ERBB4: variants seen among roughly 807,000 people sequenced by gnomAD.
ERBB4 encodes erb-b2 receptor tyrosine kinase 4.
In ERBB4, 42 loss-of-function variants were observed where a neutral mutation model predicts 158.0. That is an observed-to-expected ratio of 0.27 (90% CI 0.21 to 0.34). The LOEUF (loss-of-function observed/expected upper bound fraction) is 0.34, where lower values mean the gene tolerates loss of function less well. ERBB4 is among the 10% of genes least tolerant of loss of function. The pLI is 1.00. For synonymous variants in ERBB4, 583 were observed against 558.7 expected (o/e 1.04, Z -0.61); for missense variants, 1,333 against 1,624.1 (o/e 0.82, Z 3.08).
intron 2 of ERBB4, among the ~76,000 whole-genome samples, chr2:212,027,408 C>A (rs1032534774): frequency 2.0e-5 from 3 of 151,842 alleles, no homozygotes; most frequent in African/African-American, 7.3e-5. Flanking sequence ...AGAGTTTAGA[C>A]CCTTAGCTTA....
At chr2:211,523,338 G>A (rs1574665435) in intron 20 of ERBB4, among the ~76,000 whole-genome samples, 2 of 150,260 alleles carry the variant, frequency 1.3e-5, no homozygotes, top group East Asian at 4.0e-4. Context: ...GCTTGGGAAA[G>A]GGAGAGTGCA....
chr2:211,631,404 T>C (rs925668320), intron 16 of ERBB4, among the ~76,000 whole-genome samples: 1 of 152,092 alleles, frequency 6.6e-6, no homozygotes, highest in Non-Finnish European at 1.5e-5. Flanking sequence ...TTCAGAATAA[T>C]GACAAGAGTA....
chr2:211,791,530 A>C (rs2076279451), intron 3 of ERBB4, among the ~76,000 whole-genome samples: 1 of 151,882 alleles, frequency 6.6e-6, no homozygotes, highest in Admixed American at 6.6e-5. Context: ...AAAAATGTTG[A>C]ATGCGTGAAT....
chr2:212,321,445 C>T (rs924317081), intron 1 of ERBB4, among the ~76,000 whole-genome samples: 8 of 150,436 alleles, frequency 5.3e-5, no homozygotes, highest in East Asian at 2.0e-4. Flanking sequence ...GGGCATAGTG[C>T]GTCATGCCTA....
rs77426128 is a variant in ERBB4, at chr2:211,420,987, T to G, written c.2965-376A>C. Among the ~76,000 whole-genome samples, 1,075 of 152,060 alleles carry G rather than the reference T, an allele frequency of 7.1e-3. 8 individuals carry two copies. The highest frequency in any genetic ancestry group is 0.025 in the African/African-American group (1,019 of 41,524). ...TAAAAGGTGATCAATTTATCAACGTTTATTTGGTTGGTTTGATGCTGTAGG... is the reference window on the plus strand; with the variant it reads ...TAAAAGGTGATCAATTTATCAACGTGTATTTGGTTGGTTTGATGCTGTAGG... On this transcript the variant is annotated intron_variant, in intron 24 of 27. Coordinates refer to ENST00000342788, the MANE Select transcript of ERBB4 (RefSeq NM_005235.3).
intron 2 of ERBB4, among the ~76,000 whole-genome samples, chr2:212,082,281 T>C (rs2078469107): frequency 6.6e-6 from 1 of 152,112 alleles, no homozygotes; most frequent in Admixed American, 6.6e-5. Context: ...GTCACATATG[T>C]ATAAACACTT....
At chr2:211,806,008 C>A (rs1197835239) in intron 3 of ERBB4, among the ~76,000 whole-genome samples, 3 of 151,636 alleles carry the variant, frequency 2.0e-5, no homozygotes, top group Admixed American at 2.0e-4. Flanking sequence ...TCAAGCATTA[C>A]AAGTTATAGA....
At chr2:211,470,406 C>A (rs1195012506) in intron 20 of ERBB4, among the ~76,000 whole-genome samples, 2 of 152,172 alleles carry the variant, frequency 1.3e-5, no homozygotes, top group East Asian at 3.9e-4. Flanking sequence ...GAACATATTA[C>A]AGAACAGTTG....
At chr2:211,564,194 A>T (rs911107343) in intron 19 of ERBB4, among the ~76,000 whole-genome samples, 1 of 152,168 alleles carries the variant, frequency 6.6e-6, no homozygotes, top group Non-Finnish European at 1.5e-5. Flanking sequence ...AAGCAATCTG[A>T]AGCCTAATTT....
At chr2:211,804,157 T>A (rs564754119) in intron 3 of ERBB4, among the ~76,000 whole-genome samples, 4 of 152,112 alleles carry the variant, frequency 2.6e-5, no homozygotes, top group Non-Finnish European at 4.4e-5. Flanking sequence ...GAAGATAAAA[T>A]CAAATAACTG....
chr2:211,645,411 G>C (rs946208363), intron 16 of ERBB4, among the ~76,000 whole-genome samples: 1 of 151,546 alleles, frequency 6.6e-6, no homozygotes, highest in Admixed American at 6.6e-5. Flanking sequence ...AAGCCATCCT[G>C]TGAATTGTTT....
intron 3 of ERBB4, among the ~76,000 whole-genome samples, chr2:211,875,523 C>T (rs1413165379): frequency 1.3e-5 from 2 of 152,164 alleles, no homozygotes; most frequent in Non-Finnish European, 1.5e-5. Context: ...ACAGACTGCA[C>T]ATATGATGGT....
chr2:212,391,749 A>G (rs1011179899), intron 1 of ERBB4, among the ~76,000 whole-genome samples: 1 of 144,172 alleles, frequency 6.9e-6, no homozygotes, highest in Non-Finnish European at 1.5e-5. Context: ...TATATTATAT[A>G]TAATATTGAC....
At chr2:211,761,114 G>C (rs2106240036) in intron 4 of ERBB4, among the ~76,000 whole-genome samples, 1 of 140,588 alleles carries the variant, frequency 7.1e-6, no homozygotes, top group East Asian at 2.1e-4. Flanking sequence ...AGAATCACTT[G>C]AACCAGGGAA....
At chr2:211,393,740 C>CGTGTGTGTGT (rs58472959) in intron 25 of ERBB4, among the ~76,000 whole-genome samples, 3 of 146,240 alleles carry the variant, frequency 2.1e-5, no homozygotes, top group Non-Finnish European at 4.5e-5. Flanking sequence ...GAGTTAATAG[C>CGTGTGTGTGT]GTGTGTGTGT....
chr2:212,167,393 T>C (rs1268302220), intron 1 of ERBB4, among the ~76,000 whole-genome samples: 1 of 151,968 alleles, frequency 6.6e-6, no homozygotes, highest in Non-Finnish European at 1.5e-5. Flanking sequence ...AATGAGATAA[T>C]ATCCCATGCC....
intron 3 of ERBB4, among the ~76,000 whole-genome samples, chr2:211,881,046 G>T (rs1468678421): frequency 6.6e-6 from 1 of 152,154 alleles, no homozygotes; most frequent in Non-Finnish European, 1.5e-5. Flanking sequence ...CAGATCAGCT[G>T]CACACAAGAC....
intron 19 of ERBB4, among the ~76,000 whole-genome samples, chr2:211,597,153 C>T (rs904662681): frequency 6.6e-6 from 1 of 152,048 alleles, no homozygotes; most frequent in Non-Finnish European, 1.5e-5. Context: ...AATGCAATAT[C>T]CAAATGGTCT....
At chr2:211,827,893 A>C (rs115997511) in intron 3 of ERBB4, among the ~76,000 whole-genome samples, 2 of 152,156 alleles carry the variant, frequency 1.3e-5, no homozygotes, top group East Asian at 3.9e-4. Context: ...TGAATGATAC[A>C]TTGATGGCTA....
Sources: gnomAD v4.1 joint callset for allele counts (sites outside exome capture counted in the v4.1 genomes callset) on GRCh38, gnomAD v4.1.1 for gene constraint, MANE v1.5 for transcripts, NCBI Gene and HGNC (gene_info 2026-07-23, HGNC 2026-07-21) for gene names.